The following ASIP variants were observed in gnomAD, a reference collection of about 807,000 sequenced individuals.
The protein encoded by ASIP is agouti signaling protein.
In ASIP, 11 loss-of-function variants were observed where a neutral mutation model predicts 10.3. The ratio of observed to expected loss-of-function variants is 1.07; its 90% CI spans 0.68 to 1.78. The LOEUF (loss-of-function observed/expected upper bound fraction) is 1.78. ASIP is among the 40% of genes most tolerant of loss of function. ASIP has a pLI of 0.00. For synonymous variants in ASIP, 70 were observed against 70.8 expected (o/e 0.99, Z 0.06); for missense variants, 180 against 169.2 (o/e 1.06, Z -0.35).
chr20:34,238,913 C>A (rs1307483114), upstream of ASIP, among the ~76,000 whole-genome samples: 1 of 152,152 alleles, frequency 6.6e-6, no homozygotes, highest in African/African-American at 2.4e-5. Context: ...CTAGAAGTTG[C>A]AAGCCTTCAA....
At chr20:34,236,068 AAGAAAG>A (rs1568756910) in intron 1 of ASIP, among the ~76,000 whole-genome samples, 1 of 144,588 alleles carries the variant, frequency 6.9e-6, no homozygotes. Context: ...GAGAGAGAGA[AAGAAAG>A]AGAAAGAGAA....
chr20:34,201,270 A>G (rs1250948029), intron 1 of ASIP, among the ~76,000 whole-genome samples: 1 of 152,086 alleles, frequency 6.6e-6, no homozygotes, highest in East Asian at 1.9e-4. Flanking sequence ...ACAAGAGTTG[A>G]TAACTTCCTT....
chr20:34,214,275 T>C, intron 1 of ASIP: 4 of 1,408,282 alleles, frequency 2.8e-6, no homozygotes, highest in Non-Finnish European at 4.0e-6. Context: ...CAGACCTCTG[T>C]GATCTAAGAA....
intron 3 of ASIP, among the ~76,000 whole-genome samples, chr20:34,266,169 C>T (rs1264630349): frequency 6.6e-6 from 1 of 151,350 alleles, no homozygotes; most frequent in South Asian, 2.1e-4. Context: ...CTGGCTAACA[C>T]GGAGAAACCC....
intron 1 of ASIP, among the ~76,000 whole-genome samples, chr20:34,202,501 G>A (rs964576660): frequency 6.6e-6 from 1 of 152,112 alleles, no homozygotes; most frequent in Non-Finnish European, 1.5e-5. Flanking sequence ...TGTTCCACCT[G>A]GAATTGATTT....
At chr20:34,214,460 G>T in intron 1 of ASIP, 1 of 1,515,358 alleles carries the variant, frequency 6.6e-7, no homozygotes, top group Non-Finnish European at 9.2e-7. Context: ...CATCACCTGA[G>T]AAGTGAGCAC....
In ASIP at chr20:34,269,023, C is replaced by T. The variant is rs1410129685; in HGVS notation, c.255C>T (p.Pro85=). The T allele has an allele frequency of 7.5e-6, 12 of 1,608,122 alleles. No individual in the cohort carries two copies. The highest frequency in any genetic ancestry group is 2.7e-5 in the African/African-American group (2 of 74,826). ...CTTCGATGAAGAAAGTGGTGCGGCCCCGGACCCCCCTATCTGCGCCCTGCG... is the reference window on the plus strand; with the variant it reads ...CTTCGATGAAGAAAGTGGTGCGGCCTCGGACCCCCCTATCTGCGCCCTGCG... The part of the protein sequence containing the change: ...KEASMKKVVR[P]RTPLSAPCVA... The change falls in exon 4 of 4, where the codon CCC becomes CCT. Residue 85 remains proline, a synonymous_variant. Coordinates refer to ENST00000374954, the MANE Select transcript of ASIP (RefSeq NM_001672.3).
chr20:34,255,970 C>T (rs992028805), intron 1 of ASIP, among the ~76,000 whole-genome samples: 4 of 152,226 alleles, frequency 2.6e-5, no homozygotes, highest in African/African-American at 7.2e-5. Flanking sequence ...CAGGCCCACC[C>T]GCAGCCTCCA....
intron 1 of ASIP, among the ~76,000 whole-genome samples, chr20:34,232,609 T>C (rs1261907878): frequency 6.6e-6 from 1 of 152,188 alleles, no homozygotes; most frequent in Non-Finnish European, 1.5e-5. Flanking sequence ...ATCCAGTATA[T>C]AGTTTAAGGC....
At position 34,264,048 on chromosome 20, in the gene ASIP, A is replaced by T. The variant is rs941722534; in HGVS notation, c.222+1155A>T. ...TGAATCTTGTTACCTAGAAATATTTAAAAAATGAAAAAAAAGTATGTCATT... is the reference window on the plus strand; with the variant it reads ...TGAATCTTGTTACCTAGAAATATTTTAAAAATGAAAAAAAAGTATGTCATT... On this transcript the variant is annotated intron_variant, in intron 3 of 3. Coordinates refer to ENST00000374954, the MANE Select transcript of ASIP (RefSeq NM_001672.3). Among the ~76,000 whole-genome samples the T allele has an allele frequency of 9.8e-5, 15 of 152,300 alleles. No homozygotes were observed. The East Asian group carries it at 2.7e-3, about 27-fold the overall frequency.
At chr20:34,187,822 A>G in the ASIP span, among the ~76,000 whole-genome samples, 1 of 152,340 alleles carries the variant, frequency 6.6e-6, no homozygotes. Flanking sequence ...GAGTTACTCT[A>G]TCACTTGAAA....
At chr20:34,240,502 G>A (rs909697712), upstream of ASIP, among the ~76,000 whole-genome samples, 1 of 152,218 alleles carries the variant, frequency 6.6e-6, no homozygotes, top group Admixed American at 6.5e-5. Context: ...TTTTGAGTCT[G>A]TGTAAGTACA....
chr20:34,259,214 A>G (rs1227929839), intron 1 of ASIP, among the ~76,000 whole-genome samples: 2 of 151,126 alleles, frequency 1.3e-5, no homozygotes, highest in Non-Finnish European at 2.9e-5. Flanking sequence ...TCTCAAAACA[A>G]ACAATGACAA....
At chr20:34,258,700 A>ATATACACACATAC (rs2035623995) in intron 1 of ASIP, among the ~76,000 whole-genome samples, 1 of 77,918 alleles carries the variant, frequency 1.3e-5, no homozygotes, top group Non-Finnish European at 2.4e-5. Context: ...TACATACTAT[A>ATATACACACATAC]TATATATATT....
chr20:34,235,791 AAGAAAG>A (rs2035174784), intron 1 of ASIP, among the ~76,000 whole-genome samples: 2 of 39,264 alleles, frequency 5.1e-5, no homozygotes, highest in Admixed American at 3.1e-4. Flanking sequence ...AGAAAGAAGA[AAGAAAG>A]AAAGAAAGAA....
intron 1 of ASIP, among the ~76,000 whole-genome samples, chr20:34,223,313 G>T (rs1284590389): frequency 1.3e-5 from 2 of 150,900 alleles, no homozygotes; most frequent in African/African-American, 4.9e-5. Flanking sequence ...GCCTCTGCCC[G>T]GCCGAGACCC....
intron 2 of ASIP, among the ~76,000 whole-genome samples, chr20:34,261,084 T>C (rs1388095222): frequency 6.6e-6 from 1 of 152,218 alleles, no homozygotes; most frequent in African/African-American, 2.4e-5. Flanking sequence ...GAGAATTAAG[T>C]AACTAGCACG....
intron 1 of ASIP, among the ~76,000 whole-genome samples, chr20:34,250,450 CT>C (rs1345582319): frequency 6.6e-6 from 1 of 152,168 alleles, no homozygotes; most frequent in Non-Finnish European, 1.5e-5. Flanking sequence ...GGAGGATCAC[CT>C]AAGTCCAGGA....
At chr20:34,251,648 A>G (rs819164) in intron 1 of ASIP, among the ~76,000 whole-genome samples, 18,420 of 152,106 alleles carry the variant, frequency 0.12, 1,210 homozygotes, top group East Asian at 0.22. Flanking sequence ...GGAATTTGCT[A>G]TGTTCTGAAT....
Sources: allele counts gnomAD v4.1 joint callset (sites outside exome capture counted in the v4.1 genomes callset), GRCh38; gene constraint gnomAD v4.1.1; transcripts MANE v1.5; gene names NCBI Gene and HGNC (gene_info 2026-07-23, HGNC 2026-07-21).